The following RBBP8 variants were observed in gnomAD, a reference collection of about 807,000 sequenced individuals.
RBBP8 encodes RB binding protein 8, endonuclease.
RBBP8 carries 88 observed loss-of-function variants against 108.3 expected under a neutral mutation model. That is an observed-to-expected ratio of 0.81 (90% CI 0.68 to 0.97). The LOEUF (loss-of-function observed/expected upper bound fraction) is 0.97, where lower values mean the gene tolerates loss of function less well. Among genes scored for constraint, RBBP8 ranks in the 50% least tolerant of loss-of-function variants. The pLI is 0.00. For missense variants in RBBP8, 1,023 were observed against 1,049.0 expected (o/e 0.98, Z 0.34); for synonymous variants, 332 against 348.2 (o/e 0.95, Z 0.52).
chr18:22,988,932 A>AT (rs1179758883), intron 8 of RBBP8, among the ~76,000 whole-genome samples: 1 of 152,162 alleles, frequency 6.6e-6, no homozygotes, highest in Non-Finnish European at 1.5e-5. Flanking sequence ...CCATTTTAAG[A>AT]TTTTTTTCCC....
chr18:23,022,668 T>TAAAATAAAATATAAAAAAAATAAAATAA (rs1353697130), intron 18 of RBBP8, among the ~76,000 whole-genome samples: 3 of 136,030 alleles, frequency 2.2e-5, no homozygotes, highest in African/African-American at 8.6e-5. Context: ...TAAAATAAAA[T>TAAAATAAAATATAAAAAAAATAAAATAA]AAATAACTGT....
intron 3 of RBBP8, among the ~76,000 whole-genome samples, chr18:22,927,945 A>G (rs1227618185): frequency 1.3e-5 from 2 of 151,098 alleles, no homozygotes; most frequent in African/African-American, 2.4e-5. Context: ...GTGGTGGCTC[A>G]TGCCTGTAAT....
rs191769301 is a variant in RBBP8, at chr18:22,956,496, C to T, written c.248+6783C>T. 4.0e-4 allele frequency among the ~76,000 whole-genome samples: 61 copies of T among 152,232 alleles called. 1 individual carries two copies. The East Asian group carries it at 0.011, about 28-fold the overall frequency. On this transcript the variant is annotated intron_variant, in intron 4 of 18. Transcript: ENST00000327155. ...GACTACAGGCAAGCACCACGCCATGCCTGGCTAATTTTTTTGTTTTTATAG... is the reference window on the plus strand; with the variant it reads ...GACTACAGGCAAGCACCACGCCATGTCTGGCTAATTTTTTTGTTTTTATAG...
chr18:22,950,502 T>C (rs1312511662), intron 4 of RBBP8, among the ~76,000 whole-genome samples: 1 of 151,568 alleles, frequency 6.6e-6, no homozygotes, highest in Non-Finnish European at 1.5e-5. Flanking sequence ...TCCAAAGTGA[T>C]TGAGGCTGCA....
chr18:23,013,383 G>C (rs777926915), intron 16 of RBBP8, among the ~76,000 whole-genome samples: 14 of 151,900 alleles, frequency 9.2e-5, no homozygotes, highest in Non-Finnish European at 1.3e-4. Flanking sequence ...GTCGGTTTTT[G>C]GGTGGGATCA....
chr18:22,995,411 T>C (rs930622180), intron 12 of RBBP8, among the ~76,000 whole-genome samples: 8 of 152,210 alleles, frequency 5.3e-5, no homozygotes, highest in Non-Finnish European at 7.3e-5. Context: ...ATCAATGTTA[T>C]AGTTTTTAAT....
intron 4 of RBBP8, among the ~76,000 whole-genome samples, chr18:22,958,047 A>G (rs1912739490): frequency 6.6e-6 from 1 of 152,194 alleles, no homozygotes; most frequent in Admixed American, 6.5e-5. Context: ...ACAGGAAGAT[A>G]CTGGTGTTTC....
intron 3 of RBBP8, among the ~76,000 whole-genome samples, chr18:22,927,430 CTTT>C (rs1477451399): frequency 2.0e-5 from 3 of 152,140 alleles, no homozygotes; most frequent in African/African-American, 4.8e-5. Flanking sequence ...CATCCTGCTT[CTTT>C]AAGTAAATCA....
At chr18:22,972,520 T>C (rs978439500) in intron 5 of RBBP8, among the ~76,000 whole-genome samples, 22 of 151,304 alleles carry the variant, frequency 1.5e-4, no homozygotes, top group African/African-American at 5.3e-4. Flanking sequence ...TTCAAGCAAT[T>C]CTCCTGCCTC....
upstream of RBBP8, among the ~76,000 whole-genome samples, chr18:22,932,244 C>A (rs184918057): frequency 7.7e-4 from 118 of 152,332 alleles, no homozygotes; most frequent in East Asian, 0.018. Context: ...TTTCAATACT[C>A]TGTTAAATGA....
intron 16 of RBBP8, among the ~76,000 whole-genome samples, chr18:23,009,367 T>TA: frequency 6.6e-6 from 1 of 152,012 alleles, no homozygotes; most frequent in South Asian, 2.1e-4. Flanking sequence ...AAATGTACAG[T>TA]AAAATCACTG....
At chr18:22,999,766 A>G (rs941837667) in intron 14 of RBBP8, among the ~76,000 whole-genome samples, 1 of 152,214 alleles carries the variant, frequency 6.6e-6, no homozygotes, top group Non-Finnish European at 1.5e-5. Flanking sequence ...GAAAATTTTC[A>G]TGCACCTACT....
intron 16 of RBBP8, among the ~76,000 whole-genome samples, chr18:23,011,641 AT>A (rs1243297408): frequency 1.3e-5 from 2 of 151,858 alleles, no homozygotes; most frequent in African/African-American, 4.8e-5. Context: ...GGGTTTCACC[AT>A]GTTAGCCAGG....
chr18:22,976,351 A>AT (rs2144627899), intron 6 of RBBP8, among the ~76,000 whole-genome samples: 1 of 152,264 alleles, frequency 6.6e-6, no homozygotes, highest in Non-Finnish European at 1.5e-5. Context: ...ACACTTTCTA[A>AT]TTTTAATAAT....
chr18:23,012,609 C>G (rs1416291333), intron 16 of RBBP8, among the ~76,000 whole-genome samples: 1 of 152,192 alleles, frequency 6.6e-6, no homozygotes, highest in Non-Finnish European at 1.5e-5. Flanking sequence ...AAGTTTGAAA[C>G]TAGCAGAGGT....
chr18:23,015,884 T>A (rs537335970), intron 16 of RBBP8, among the ~76,000 whole-genome samples: 1 of 152,308 alleles, frequency 6.6e-6, no homozygotes, highest in South Asian at 2.1e-4. Context: ...TCTGATAGTA[T>A]GTTGCCGCCA....
chr18:22,955,754 G>A (rs1238051286), intron 4 of RBBP8, among the ~76,000 whole-genome samples: 1 of 148,410 alleles, frequency 6.7e-6, no homozygotes, highest in African/African-American at 2.5e-5. Flanking sequence ...ATTTTTTTTT[G>A]TATTTTTAGT....
chr18:22,957,316 G>A (rs879555853), intron 4 of RBBP8, among the ~76,000 whole-genome samples: 1 of 36,478 alleles, frequency 2.7e-5, no homozygotes, highest in African/African-American at 1.1e-4. Context: ...TTTTTTGCCT[G>A]TCTTTCTCTG....
chr18:23,016,036 A>G (rs550573636), intron 16 of RBBP8, among the ~76,000 whole-genome samples: 1 of 152,066 alleles, frequency 6.6e-6, no homozygotes, highest in East Asian at 1.9e-4. Flanking sequence ...CAGCCTCCTG[A>G]GTAGCTGGGA....
Sources: gnomAD v4.1 joint callset for allele counts (sites outside exome capture counted in the v4.1 genomes callset) on GRCh38, gnomAD v4.1.1 for gene constraint, MANE v1.5 for transcripts, NCBI Gene and HGNC (gene_info 2026-07-23, HGNC 2026-07-21) for gene names.